The following MTCL2 variants were observed in gnomAD, a reference collection of about 807,000 sequenced individuals.
MTCL2 encodes microtubule crosslinking factor 2, also known as microtubule cross-linking factor 2.
the MTCL2 span, chr20:36,806,013 TC>T: frequency 2.7e-6 from 4 of 1,477,682 alleles, no homozygotes; most frequent in Non-Finnish European, 3.7e-6. Context: ...AAATTTTAAT[TC>T]CAACCTTGGG....
At chr20:36,808,250 G>C in the MTCL2 span, among the ~76,000 whole-genome samples, 1 of 151,634 alleles carries the variant, frequency 6.6e-6, no homozygotes, top group Non-Finnish European at 1.5e-5. Flanking sequence ...CAGCTACTCG[G>C]GAGGCTGAGG....
chr20:36,793,587 C>G, the MTCL2 span: 1 of 1,551,656 alleles, frequency 6.4e-7, no homozygotes, highest in Non-Finnish European at 8.7e-7. The surrounding 1 kb of genome is among the most constrained non-coding windows in gnomAD (Gnocchi z 6.8). Flanking sequence ...GAGTGCTCCA[C>G]CACACTGAAG....
the MTCL2 span, among the ~76,000 whole-genome samples, chr20:36,831,198 A>T: frequency 3.3e-5 from 5 of 152,166 alleles, no homozygotes; most frequent in Non-Finnish European, 5.9e-5. Flanking sequence ...GTACATTGGG[A>T]ACTACTGTTT....
chr20:36,850,254 C>T, the MTCL2 span, among the ~76,000 whole-genome samples: 1 of 152,034 alleles, frequency 6.6e-6, no homozygotes, highest in South Asian at 2.1e-4. Flanking sequence ...TCCAGCAGAG[C>T]GCAGTGGCTC....
the MTCL2 span, among the ~76,000 whole-genome samples, chr20:36,808,959 C>A: frequency 6.6e-6 from 1 of 152,216 alleles, no homozygotes; most frequent in Non-Finnish European, 1.5e-5. Flanking sequence ...TGGGATTTGA[C>A]CCTGGCTCTA....
At chr20:36,799,164 T>C in the MTCL2 span, among the ~76,000 whole-genome samples, 15 of 152,034 alleles carry the variant, frequency 9.9e-5, no homozygotes, top group Admixed American at 8.5e-4. Flanking sequence ...AAGATCAGCC[T>C]GGGCAACACG....
chr20:36,808,849 G>T, the MTCL2 span: 1 of 968,890 alleles, frequency 1.0e-6, no homozygotes, highest in Non-Finnish European at 1.5e-6. Context: ...TGGTGCCTGT[G>T]AGTGATCCCT....
chr20:36,849,856 A>G, the MTCL2 span, among the ~76,000 whole-genome samples: 3 of 152,228 alleles, frequency 2.0e-5, no homozygotes, highest in East Asian at 5.8e-4. Flanking sequence ...GTGGGGCTGG[A>G]GATGAAAGTG....
chr20:36,800,287 C>T, the MTCL2 span, among the ~76,000 whole-genome samples: 2 of 152,198 alleles, frequency 1.3e-5, no homozygotes, highest in Non-Finnish European at 2.9e-5. Flanking sequence ...ATTTTAGAAA[C>T]ATTTTGTTGT....
At chr20:36,849,900 T>G in the MTCL2 span, among the ~76,000 whole-genome samples, 109 of 152,038 alleles carry the variant, frequency 7.2e-4, no homozygotes, top group Non-Finnish European at 1.4e-3. Context: ...GAAACACAAG[T>G]GGCAGCATGT....
At chr20:36,793,089 G>C in the MTCL2 span, 1 of 876,866 alleles carries the variant, frequency 1.1e-6, no homozygotes, top group Non-Finnish European at 1.7e-6. This position sits in a 1 kb window ranked among gnomAD's most constrained non-coding sequence, Gnocchi z 6.8. Flanking sequence ...ATTTTTAGTA[G>C]AGATGGGGTT....
chr20:36,796,976 G>A, the MTCL2 span: 1 of 1,612,462 alleles, frequency 6.2e-7, no homozygotes, highest in Non-Finnish European at 8.5e-7. Flanking sequence ...GAGACAGGAA[G>A]GGTCAGTTCT....
At chr20:36,798,427 C>A in the MTCL2 span, among the ~76,000 whole-genome samples, 1 of 152,190 alleles carries the variant, frequency 6.6e-6, no homozygotes, top group Admixed American at 6.5e-5. Context: ...GTGGTTATTT[C>A]CATTTGGCAG....
the MTCL2 span, among the ~76,000 whole-genome samples, chr20:36,801,166 A>G: frequency 6.6e-6 from 1 of 152,092 alleles, no homozygotes; most frequent in Admixed American, 6.6e-5. Context: ...TTAGCCTCTC[A>G]TGTAGCTGGG....
chr20:36,794,198 C>G, the MTCL2 span: 2 of 1,547,336 alleles, frequency 1.3e-6, no homozygotes, highest in East Asian at 4.9e-5. This position sits in a 1 kb window ranked among gnomAD's most constrained non-coding sequence, Gnocchi z 5.4. Context: ...CTCAGCCAGC[C>G]CATCAGCCTC....
At chr20:36,857,517 C>A in the MTCL2 span, among the ~76,000 whole-genome samples, 2 of 152,092 alleles carry the variant, frequency 1.3e-5, no homozygotes, top group Non-Finnish European at 1.5e-5. Context: ...GAGCTGTGAA[C>A]AGTATATGTG....
chr20:36,785,895 A>G, the MTCL2 span: 1 of 986,134 alleles, frequency 1.0e-6, no homozygotes, highest in Non-Finnish European at 1.2e-6. Context: ...CTACTGCCCT[A>G]TCATACTCCC....
At chr20:36,807,512 C>T in the MTCL2 span, among the ~76,000 whole-genome samples, 17 of 152,250 alleles carry the variant, frequency 1.1e-4, no homozygotes, top group South Asian at 8.3e-4. Flanking sequence ...TTGTAAGTCC[C>T]CTTCTCTTCC....
the MTCL2 span, among the ~76,000 whole-genome samples, chr20:36,860,695 G>C: frequency 1.3e-5 from 2 of 152,200 alleles, no homozygotes; most frequent in South Asian, 2.1e-4. Flanking sequence ...TTTAACCGTT[G>C]AGGTTGGAAA....
Sources: gnomAD v4.1 joint callset for allele counts (sites outside exome capture counted in the v4.1 genomes callset) on GRCh38, gnomAD v4.1.1 for gene constraint, Gnocchi (gnomAD v3.1) non-coding constraint, MANE v1.5 for transcripts, NCBI Gene and HGNC (gene_info 2026-07-23, HGNC 2026-07-21) for gene names.